VWDE: variants seen among roughly 807,000 people sequenced by gnomAD.
VWDE encodes the protein von Willebrand factor D and EGF domain-containing protein.
Under a neutral mutation model 178.4 loss-of-function variants are expected in VWDE, and 207 were observed. The observed-to-expected ratio is 1.16, with a 90% CI of 1.04 to 1.30. VWDE has a LOEUF of 1.30. Among genes scored for constraint, VWDE ranks in the 50% most tolerant of loss-of-function variants. VWDE has a pLI of 0.00. For missense variants in VWDE, 2,287 were observed against 1,901.3 expected, an observed-to-expected ratio of 1.20 and a Z score of -3.77; for synonymous variants, 738 against 651.4, an observed-to-expected ratio of 1.13 and a Z score of -2.02.
intron 4 of VWDE, among the ~76,000 whole-genome samples, chr7:12,382,860 G>A (rs10271597): frequency 0.066 from 10,069 of 151,684 alleles, 699 homozygotes; most frequent in African/African-American, 0.17. Flanking sequence ...GCATATTATA[G>A]TAGGAGGATT....
intron 26 of VWDE, among the ~76,000 whole-genome samples, chr7:12,336,447 G>A (rs1159355451): frequency 6.6e-6 from 1 of 152,150 alleles, no homozygotes; most frequent in Non-Finnish European, 1.5e-5. Flanking sequence ...ATGTTCCATT[G>A]TTTGAATGCG....
chr7:12,390,399 G>T (rs1439720587), intron 2 of VWDE, among the ~76,000 whole-genome samples: 1 of 151,930 alleles, frequency 6.6e-6, no homozygotes. Flanking sequence ...AAGTGCCATA[G>T]TGAGGTATAG....
intron 7 of VWDE, 199 bp downstream of exon 7, chr7:12,377,577 T>C (rs1162302047): frequency 5.2e-6 from 2 of 381,148 alleles, no homozygotes; most frequent in African/African-American, 4.1e-5. Flanking sequence ...ATGTATGCTT[T>C]CAGCCAAGAA....
In VWDE at chr7:12,348,025, G is replaced by A. The variant is rs866142164; in HGVS notation, c.3886+3548C>T. Among the ~76,000 whole-genome samples, 10 of 152,154 alleles carry A rather than the reference G, an allele frequency of 6.6e-5. No homozygotes were observed. In the South Asian group the frequency reaches 8.3e-4, roughly 13 times the overall value. Reference sequence around the variant, plus strand: ...CTGGGAAAACTGGCTAGCCATATGTGGAAAGCTGAAACTGGATCCCTTCCT... The same window carrying A: ...CTGGGAAAACTGGCTAGCCATATGTAGAAAGCTGAAACTGGATCCCTTCCT... On this transcript the variant is annotated intron_variant, in intron 19 of 28. Coordinates refer to ENST00000275358, the MANE Select transcript of VWDE (RefSeq NM_001135924.3).
At position 12,343,232 on chromosome 7, in the gene VWDE, T is replaced by A. The variant is rs1030418523; in HGVS notation, c.4079-54A>T. 16 of 1,282,014 alleles carry A rather than the reference T, an allele frequency of 1.2e-5. No individual in the cohort carries two copies. In the African/African-American group the frequency reaches 2.2e-4, roughly 18 times the overall value. The allele number at this position is 1,282,014 out of a possible 1,614,324, so 79.4% of individuals were successfully genotyped here. On this transcript the variant is annotated intron_variant, in intron 21 of 28. Transcript: ENST00000275358. Reference sequence around the variant, plus strand: ...AGTTCTTAATTTTTAAAAAGTCAGTTTATATTTATAAAGCACTGTCACAAT... The same window carrying A: ...AGTTCTTAATTTTTAAAAAGTCAGTATATATTTATAAAGCACTGTCACAAT...
intron 21 of VWDE, 67 bp downstream of exon 21, chr7:12,344,128 A>T: frequency 7.4e-7 from 1 of 1,351,660 alleles, no homozygotes; most frequent in Non-Finnish European, 1.0e-6. Flanking sequence ...TGTCTTGTAA[A>T]ATGGTTTTTA....
chr7:12,370,788 C>G lies in VWDE; in HGVS notation c.1664G>C (p.Ser555Thr), dbSNP rs140722808. The G allele has an allele frequency of 8.4e-6, 13 of 1,551,236 alleles. No individual in the cohort carries two copies. Among genetic ancestry groups the G allele is most frequent in the African/African-American group, 4.1e-5 (3 of 73,114 alleles). ...WGMSLTIRAP[S>T]VDYRNTLGLC... The stretch of plus-strand genomic sequence containing the variant: ...TCCCAGAGTGTTTCTGTAATCTACA[C>G]TAGGGGCTCTGATCGTTAGACTCAT... The change falls in exon 11 of 29, where the codon AGT becomes ACT. Residue 555 changes from serine (S) to threonine (T), a missense_variant. Coordinates refer to ENST00000275358, the MANE Select transcript of VWDE (RefSeq NM_001135924.3).
intron 19 of VWDE, among the ~76,000 whole-genome samples, chr7:12,348,434 T>G (rs112535372): frequency 7.6e-6 from 1 of 130,816 alleles, no homozygotes. Flanking sequence ...CAGACACTTC[T>G]CAAAAGAAGA....
intron 21 of VWDE, 121 bp from the exon 22 acceptor site, chr7:12,343,299 CTT>C (rs554479314): frequency 6.6e-6 from 4 of 607,584 alleles, no homozygotes; most frequent in Non-Finnish European, 8.2e-6. Flanking sequence ...ATTAAGCTCT[CTT>C]TTACTACAAA....
chr7:12,389,187 C>T lies in VWDE; in HGVS notation c.415G>A (p.Gly139Arg), dbSNP rs1332314438. 1.3e-6 allele frequency: 2 copies of T among 1,551,800 alleles called. No homozygotes were observed. The highest frequency in any genetic ancestry group is 2.7e-5 in the African/African-American group (2 of 73,030). The part of the protein sequence containing the change: ...FQIPVSVRNC[G>R]NFSVYLLQPT... ...TGTAGTAAGTATACAGAAAAGTTCC[C>T]ACAGTTTCTTACAGACACTGGGATT... is the stretch of plus-strand genomic sequence containing the variant. Residue 139 changes from glycine (G) to arginine (R), a missense_variant, in exon 3 of 29, where the codon GGG becomes AGG. Coordinates refer to ENST00000275358, the MANE Select transcript of VWDE (RefSeq NM_001135924.3).
intron 28 of VWDE, among the ~76,000 whole-genome samples, chr7:12,332,184 A>G (rs956827243): frequency 2.5e-5 from 2 of 80,820 alleles, no homozygotes; most frequent in African/African-American, 2.4e-4. Flanking sequence ...ATCGAAAGCA[A>G]GTAAAGAAAA....
chr7:12,355,891 C>T (rs771895771), intron 18 of VWDE, among the ~76,000 whole-genome samples: 3 of 152,150 alleles, frequency 2.0e-5, no homozygotes, highest in South Asian at 2.1e-4. Context: ...TCCTACATTG[C>T]TATAACAGTT....
chr7:12,354,494 A>G (rs1306574956), intron 18 of VWDE: 1 of 372,154 alleles, frequency 2.7e-6, no homozygotes, highest in Non-Finnish European at 5.2e-6. Flanking sequence ...TTGCCTGTAT[A>G]AAATATAGAT....
intron 3 of VWDE, among the ~76,000 whole-genome samples, chr7:12,385,917 T>C (rs1260266449): frequency 6.6e-6 from 1 of 152,180 alleles, no homozygotes; most frequent in African/African-American, 2.4e-5. Flanking sequence ...AAGTGGATGA[T>C]AGTGACATTA....
At chr7:12,367,629 C>A in intron 12 of VWDE, 136 bp from the exon 13 acceptor site, 1 of 637,876 alleles carries the variant, frequency 1.6e-6, no homozygotes, top group Non-Finnish European at 2.5e-6. Flanking sequence ...GCTTACAACA[C>A]TAATTAAGCC....
rs1194993110 is a variant in VWDE at position 12,380,748 on chromosome 7, C to A, written c.542-15G>T. On this transcript the variant is annotated splice_polypyrimidine_tract_variant and intron_variant, in intron 4 of 28. Transcript: ENST00000275358. Reference sequence around the variant, plus strand: ...AGCCAGCTGACCTGGGGAGAAAATGCATAATTTGTAACTGGGAATCTTAGA... The same window carrying A: ...AGCCAGCTGACCTGGGGAGAAAATGAATAATTTGTAACTGGGAATCTTAGA... 6.5e-7 allele frequency: 1 copy of A among 1,550,098 alleles called. No homozygotes were observed. The highest frequency in any genetic ancestry group is 1.4e-5 in the African/African-American group (1 of 72,918).
intron 7 of VWDE, among the ~76,000 whole-genome samples, chr7:12,376,798 G>C (rs915626980): frequency 1.3e-5 from 2 of 151,990 alleles, no homozygotes; most frequent in Non-Finnish European, 2.9e-5. Context: ...TACTGAGCCT[G>C]CTTACTGTTA....
chr7:12,331,269 T>G lies in VWDE; in HGVS notation c.4759-72A>C. ...CATTTAACCCTTACTCATTATTTGT[T>G]GCCTCCTTCCCTCTGACATGATACG... On this transcript the variant is annotated intron_variant, in intron 28 of 28. Transcript: ENST00000275358. 4.5e-6 allele frequency: 6 copies of G among 1,319,520 alleles called. No homozygotes were observed. The South Asian group carries it at 5.4e-5, about 12-fold the overall frequency. The allele number at this position is 1,319,520 out of a possible 1,614,324, so 81.7% of individuals were successfully genotyped here. A position where few individuals can be genotyped will look rare whatever the true frequency, so the allele number is the denominator to read the frequency against.
chr7:12,374,913 A>G (rs1292830745), intron 8 of VWDE, 97 bp downstream of exon 8: 1 of 1,301,048 alleles, frequency 7.7e-7, no homozygotes, highest in African/African-American at 1.5e-5. Flanking sequence ...TAATTTACCA[A>G]AAAATTTTTT....
Sources: gnomAD v4.1 joint callset for allele counts (sites outside exome capture counted in the v4.1 genomes callset) on GRCh38, gnomAD v4.1.1 for gene constraint, MANE v1.5 for transcripts, NCBI Gene and HGNC (gene_info 2026-07-23, HGNC 2026-07-21) for gene names.